The following IGSF11 variants were observed in gnomAD, a reference collection of about 807,000 sequenced individuals.
IGSF11 encodes the protein CXADR like 1.
A neutral mutation model predicts 41.0 loss-of-function variants in IGSF11; 22 were observed. The observed-to-expected ratio is 0.54, with a 90% CI of 0.38 to 0.77. The LOEUF (loss-of-function observed/expected upper bound fraction) is 0.77. Among genes scored for constraint, IGSF11 ranks in the 30% least tolerant of loss-of-function variants. The pLI, the probability that IGSF11 is intolerant of heterozygous loss-of-function variation, is 0.00. For missense variants in IGSF11, 444 were observed against 530.8 expected (o/e 0.84, Z 1.61); for synonymous variants, 219 against 201.3 (o/e 1.09, Z -0.74).
At chr3:119,083,632 T>C (rs944322125) in intron 1 of IGSF11, among the ~76,000 whole-genome samples, 1 of 151,994 alleles carries the variant, frequency 6.6e-6, no homozygotes, top group East Asian at 1.9e-4. Context: ...TATAATAGAA[T>C]TCAAAAATTC....
intron 1 of IGSF11, among the ~76,000 whole-genome samples, chr3:119,014,647 A>C (rs1326345979): frequency 6.6e-6 from 1 of 152,236 alleles, no homozygotes; most frequent in Non-Finnish European, 1.5e-5. Flanking sequence ...TTCTGGCCTA[A>C]ACTTTGCCAC....
chr3:119,074,389 TAAAC>T (rs1287990214), intron 1 of IGSF11, among the ~76,000 whole-genome samples: 5 of 152,118 alleles, frequency 3.3e-5, no homozygotes, highest in African/African-American at 1.2e-4. Context: ...ACGTGGAAAT[TAAAC>T]AATCTGCTCC....
intron 1 of IGSF11, among the ~76,000 whole-genome samples, chr3:118,987,602 G>A (rs1935384751): frequency 6.6e-6 from 1 of 152,176 alleles, no homozygotes; most frequent in South Asian, 2.1e-4. Flanking sequence ...AGAGTTAAAA[G>A]GGCTACGATT....
intron 1 of IGSF11, among the ~76,000 whole-genome samples, chr3:119,098,931 C>A (rs2076898211): frequency 6.6e-6 from 1 of 152,148 alleles, no homozygotes; most frequent in Non-Finnish European, 1.5e-5. Flanking sequence ...AAAAAAGTTT[C>A]AAAACTTGCA....
intron 1 of IGSF11, among the ~76,000 whole-genome samples, chr3:119,003,449 A>T (rs964836211): frequency 6.6e-6 from 1 of 150,660 alleles, no homozygotes; most frequent in Non-Finnish European, 1.5e-5. Flanking sequence ...TCTTTTCCTA[A>T]TTGAATACCT....
At chr3:118,909,176 A>T (rs142627583) in intron 4 of IGSF11, among the ~76,000 whole-genome samples, 224 of 152,284 alleles carry the variant, frequency 1.5e-3, no homozygotes, top group African/African-American at 5.3e-3. Context: ...GATCTTCAGG[A>T]TTTGAAGAGT....
chr3:118,916,495 C>G (rs1576355153), intron 4 of IGSF11, among the ~76,000 whole-genome samples: 1 of 151,616 alleles, frequency 6.6e-6, no homozygotes, highest in African/African-American at 2.4e-5. Context: ...CAACAAAGAT[C>G]AAAAGAGACA....
chr3:119,097,956 A>T (rs1472399886), intron 1 of IGSF11, among the ~76,000 whole-genome samples: 1 of 69,740 alleles, frequency 1.4e-5, no homozygotes, highest in Admixed American at 1.4e-4. Flanking sequence ...ACATTCAGCT[A>T]ATTTTTTTTT....
chr3:118,950,722 A>C (rs2107581159), intron 1 of IGSF11, among the ~76,000 whole-genome samples: 1 of 152,282 alleles, frequency 6.6e-6, no homozygotes, highest in South Asian at 2.1e-4. Context: ...TGGTGTTAGA[A>C]GTCAAGACAG....
intron 1 of IGSF11, among the ~76,000 whole-genome samples, chr3:119,111,274 G>T (rs1299828899): frequency 1.3e-5 from 2 of 152,156 alleles, no homozygotes; most frequent in African/African-American, 4.8e-5. Context: ...ATATTTCTTG[G>T]AGGCTTTGTT....
chr3:119,123,323 C>G (rs767137158), intron 1 of IGSF11, among the ~76,000 whole-genome samples: 4 of 152,214 alleles, frequency 2.6e-5, no homozygotes, highest in South Asian at 2.1e-4. Context: ...GCCAGCTCAA[C>G]AGCAGTACAA....
At chr3:119,008,486 C>G (rs939407688) in intron 1 of IGSF11, among the ~76,000 whole-genome samples, 1 of 152,154 alleles carries the variant, frequency 6.6e-6, no homozygotes, top group African/African-American at 2.4e-5. Context: ...AGGGAGTATT[C>G]AGAGAGGTAG....
chr3:118,925,854 C>T (rs1206927591), intron 4 of IGSF11: 1 of 243,482 alleles, frequency 4.1e-6, no homozygotes, highest in Non-Finnish European at 7.8e-6. Flanking sequence ...TGCTTTAAAT[C>T]TTCACGTGAA....
intron 1 of IGSF11, among the ~76,000 whole-genome samples, chr3:119,139,513 T>C (rs2107548060): frequency 6.6e-6 from 1 of 152,318 alleles, no homozygotes; most frequent in Admixed American, 6.5e-5. Flanking sequence ...CTGATGGTTT[T>C]AAAAACAAGA....
chr3:119,108,800 G>C (rs1368384984), upstream of IGSF11, among the ~76,000 whole-genome samples: 399 of 144,886 alleles, frequency 2.8e-3, 2 homozygotes, highest in African/African-American at 8.0e-3. Context: ...TAGCATGAAG[G>C]GTTGTTGAAT....
chr3:119,026,572 G>A (rs1377111168), intron 1 of IGSF11, among the ~76,000 whole-genome samples: 2 of 152,024 alleles, frequency 1.3e-5, no homozygotes, highest in African/African-American at 4.8e-5. Context: ...TGTACTAGTA[G>A]TCACTGTAGT....
intron 6 of IGSF11, 57 bp downstream of exon 6, chr3:118,904,587 CAAAT>C (rs1312845293): frequency 8.2e-6 from 10 of 1,217,668 alleles, no homozygotes; most frequent in Non-Finnish European, 1.2e-5. Flanking sequence ...TTAACTGACA[CAAAT>C]GAATAGAAGT....
chr3:119,004,565 T>G (rs1185626366), intron 1 of IGSF11, among the ~76,000 whole-genome samples: 2 of 141,856 alleles, frequency 1.4e-5, no homozygotes, highest in Admixed American at 7.0e-5. Flanking sequence ...AGGGTGTCAA[T>G]TTTGGATCTT....
chr3:119,002,539 T>C (rs1190303295), intron 1 of IGSF11, among the ~76,000 whole-genome samples: 2 of 133,168 alleles, frequency 1.5e-5, no homozygotes, highest in Admixed American at 7.4e-5. Flanking sequence ...GGACATGAAG[T>C]CCTTGCCCAC....
Sources: gnomAD v4.1 joint callset for allele counts (sites outside exome capture counted in the v4.1 genomes callset) on GRCh38, gnomAD v4.1.1 for gene constraint, MANE v1.5 for transcripts, NCBI Gene and HGNC (gene_info 2026-07-23, HGNC 2026-07-21) for gene names.